Variants in PLCB1 observed in about 807,000 individuals in gnomAD.
The protein encoded by PLCB1 is phospholipase C beta 1.
In PLCB1, 46 loss-of-function variants were observed where a neutral mutation model predicts 161.8. That is an observed-to-expected ratio of 0.28 (90% CI 0.22 to 0.36). The LOEUF is 0.36. PLCB1 is among the 10% of genes least tolerant of loss of function. PLCB1 has a pLI of 1.00. For synonymous variants in PLCB1, 517 were observed against 503.7 expected, an observed-to-expected ratio of 1.03 and a Z score of -0.35; for missense variants, 1,016 against 1,472.5, an observed-to-expected ratio of 0.69 and a Z score of 5.07.
chr20:8,871,809 G>C (rs1052019883), intron 31 of PLCB1, among the ~76,000 whole-genome samples: 1 of 152,116 alleles, frequency 6.6e-6, no homozygotes, highest in African/African-American at 2.4e-5. Context: ...TGCTGTAAGT[G>C]ATTTTTTCTC....
intron 3 of PLCB1, among the ~76,000 whole-genome samples, chr20:8,492,865 T>C (rs1033537648): frequency 7.2e-5 from 11 of 151,934 alleles, no homozygotes; most frequent in Non-Finnish European, 1.2e-4. Context: ...TGTGTGTGTG[T>C]GTGTGTGTGC....
chr20:8,239,050 A>G (rs1481948019), intron 2 of PLCB1, among the ~76,000 whole-genome samples: 2 of 152,002 alleles, frequency 1.3e-5, no homozygotes, highest in African/African-American at 4.8e-5. Context: ...TACAGGAAAA[A>G]GAGGGGATAG....
chr20:8,387,614 G>C (rs1183889361), intron 3 of PLCB1, among the ~76,000 whole-genome samples: 6 of 152,138 alleles, frequency 3.9e-5, no homozygotes, highest in Non-Finnish European at 8.8e-5. Flanking sequence ...TGTAAAAATG[G>C]CACCAACAGA....
chr20:8,344,872 TA>T (rs1379173826), intron 2 of PLCB1, among the ~76,000 whole-genome samples: 1 of 152,194 alleles, frequency 6.6e-6, no homozygotes, highest in East Asian at 1.9e-4. Context: ...TCAGGACAGT[TA>T]AAAGAAGAAA....
Position 8,708,662 on chromosome 20 carries a change from AT to A in PLCB1, c.1168-3del. ...GCATACTGAATATACATGTGTTCTC[AT>A]TTTTAGGAAGTGATAGAAGCAATTG... On this transcript the variant is annotated splice_region_variant and splice_polypyrimidine_tract_variant and intron_variant, in intron 11 of 31. Transcript: ENST00000338037. The A allele has an allele frequency of 6.3e-7, 1 of 1,594,830 alleles. No homozygotes were observed. The highest frequency in any genetic ancestry group is 8.6e-7 in the Non-Finnish European group (1 of 1,162,844).
intron 31 of PLCB1, among the ~76,000 whole-genome samples, chr20:8,791,668 G>A (rs950052498): frequency 6.6e-6 from 1 of 151,330 alleles, no homozygotes; most frequent in African/African-American, 2.4e-5. Context: ...GCGTGTTTTG[G>A]TTCAACAATG....
chr20:8,171,978 T>C, intron 2 of PLCB1, among the ~76,000 whole-genome samples: 1 of 152,126 alleles, frequency 6.6e-6, no homozygotes, highest in Non-Finnish European at 1.5e-5. Context: ...TGTTGTTGCG[T>C]ATCATATGTT....
In PLCB1 at chr20:8,842,828, T is replaced by C. The variant is rs73605747; in HGVS notation, c.3424-38794T>C. ...TCTATAGATAACACAAGCAGTTAGCTCAGGGGTTGATTTTTAACTACCAGG... is the reference window on the plus strand; with the variant it reads ...TCTATAGATAACACAAGCAGTTAGCCCAGGGGTTGATTTTTAACTACCAGG... On this transcript the variant is annotated intron_variant, in intron 31 of 31. Coordinates refer to ENST00000338037, the MANE Select transcript of PLCB1 (RefSeq NM_015192.4). Among the ~76,000 whole-genome samples, 1,327 of 152,282 alleles carry C rather than the reference T, an allele frequency of 8.7e-3. 23 individuals carry two copies. The highest frequency in any genetic ancestry group is 0.03 in the African/African-American group (1,238 of 41,532).
chr20:8,435,339 C>T (rs1025243981), intron 3 of PLCB1, among the ~76,000 whole-genome samples: 2 of 152,090 alleles, frequency 1.3e-5, no homozygotes, highest in Admixed American at 6.6e-5. Context: ...TGCTTCTACC[C>T]GGTAGAATAT....
chr20:8,459,231 G>A (rs980333357), intron 3 of PLCB1, among the ~76,000 whole-genome samples: 9 of 152,110 alleles, frequency 5.9e-5, no homozygotes, highest in Admixed American at 3.3e-4. Flanking sequence ...TAATTTTGTC[G>A]TTAGACATTT....
At chr20:8,351,601 A>G (rs1986179923) in intron 2 of PLCB1, among the ~76,000 whole-genome samples, 1 of 152,086 alleles carries the variant, frequency 6.6e-6, no homozygotes, top group Admixed American at 6.6e-5. Context: ...TGATAAAAGA[A>G]TAGTATTCTG....
chr20:8,189,178 C>T (rs535316764), intron 2 of PLCB1, among the ~76,000 whole-genome samples: 1 of 151,530 alleles, frequency 6.6e-6, no homozygotes, highest in African/African-American at 2.4e-5. Flanking sequence ...ATGCTTATTT[C>T]ACTTAGCATA....
Position 8,411,591 on chromosome 20 carries a change from T to C in PLCB1, c.246+40141T>C, listed in dbSNP as rs576533302. Among the ~76,000 whole-genome samples the C allele has an allele frequency of 5.3e-5, 8 of 152,246 alleles. 1 individual carries two copies. The highest frequency in any genetic ancestry group is 1.7e-4 in the African/African-American group (7 of 41,552). The stretch of plus-strand genomic sequence containing the variant: ...CTGTTTTCAAGTTCTGTTGCACAGA[T>C]TGGGGTATAAATATAGAGATCCTGC... On this transcript the variant is annotated intron_variant, in intron 3 of 31. Coordinates refer to ENST00000338037, the MANE Select transcript of PLCB1 (RefSeq NM_015192.4).
intron 2 of PLCB1, among the ~76,000 whole-genome samples, chr20:8,346,569 T>C (rs1986005589): frequency 6.6e-6 from 1 of 152,216 alleles, no homozygotes; most frequent in South Asian, 2.1e-4. Flanking sequence ...AACTGTTAAA[T>C]ACACACTGCC....
chr20:8,520,129 C>T (rs1358399422), intron 3 of PLCB1, among the ~76,000 whole-genome samples: 2 of 152,152 alleles, frequency 1.3e-5, no homozygotes, highest in African/African-American at 4.8e-5. Flanking sequence ...GCCATTAGCA[C>T]TTTGCCTGAA....
At chr20:8,619,895 T>A (rs1988131493) in intron 3 of PLCB1, among the ~76,000 whole-genome samples, 1 of 152,236 alleles carries the variant, frequency 6.6e-6, no homozygotes, top group African/African-American at 2.4e-5. Context: ...AGTAAATGGA[T>A]ATACATACAT....
chr20:8,454,593 G>C (rs1310234131), intron 3 of PLCB1, among the ~76,000 whole-genome samples: 1 of 152,128 alleles, frequency 6.6e-6, no homozygotes, highest in Non-Finnish European at 1.5e-5. Flanking sequence ...ATGACTCACT[G>C]GTTATTGGGC....
At chr20:8,635,227 G>C (rs1324504837) in intron 4 of PLCB1, among the ~76,000 whole-genome samples, 1 of 151,950 alleles carries the variant, frequency 6.6e-6, no homozygotes, top group Non-Finnish European at 1.5e-5. Context: ...CTTAGTGCTT[G>C]GCTCAATAAA....
At chr20:8,452,454 A>G (rs1357588433) in intron 3 of PLCB1, among the ~76,000 whole-genome samples, 1 of 152,232 alleles carries the variant, frequency 6.6e-6, no homozygotes, top group Non-Finnish European at 1.5e-5. Flanking sequence ...AGGTCTTCCT[A>G]TGAAAATTGT....
Sources: gnomAD v4.1 joint callset for allele counts (sites outside exome capture counted in the v4.1 genomes callset) on GRCh38, gnomAD v4.1.1 for gene constraint, MANE v1.5 for transcripts, NCBI Gene and HGNC (gene_info 2026-07-23, HGNC 2026-07-21) for gene names.